PLCXD3: variants seen among roughly 807,000 people sequenced by gnomAD.
PLCXD3 encodes PI-PLC X domain-containing protein 3.
In PLCXD3, 19 loss-of-function variants were observed where a neutral mutation model predicts 25.5. The ratio of observed to expected loss-of-function variants is 0.75; its 90% CI spans 0.52 to 1.09. The LOEUF (loss-of-function observed/expected upper bound fraction) is 1.09. PLCXD3 is among the 50% of genes least tolerant of loss of function. PLCXD3 has a pLI of 0.00. For missense variants in PLCXD3, 411 were observed against 388.1 expected (o/e 1.06, Z -0.50); for synonymous variants, 174 against 137.6 (o/e 1.26, Z -1.85).
chr5:41,500,586 G>A (rs7711043), intron 1 of PLCXD3, among the ~76,000 whole-genome samples: 1,723 of 150,822 alleles, frequency 0.011, 29 homozygotes, highest in African/African-American at 0.039. Context: ...ACACAAACAC[G>A]CAACTTAAAC....
chr5:41,438,237 T>G (rs1185210698), intron 1 of PLCXD3, among the ~76,000 whole-genome samples: 1 of 152,226 alleles, frequency 6.6e-6, no homozygotes, highest in African/African-American at 2.4e-5. Context: ...AGTATTGTGC[T>G]TCTTATTTTA....
At chr5:41,470,366 C>A (rs1748124710) in intron 1 of PLCXD3, among the ~76,000 whole-genome samples, 1 of 148,326 alleles carries the variant, frequency 6.7e-6, no homozygotes, top group Non-Finnish European at 1.5e-5. Context: ...ACAATCATTT[C>A]AGACAGAAAT....
At chr5:41,494,034 A>C (rs1437245346) in intron 1 of PLCXD3, among the ~76,000 whole-genome samples, 1 of 152,194 alleles carries the variant, frequency 6.6e-6, no homozygotes, top group Non-Finnish European at 1.5e-5. Flanking sequence ...TGCGTTGCTC[A>C]CGCTGGGAGC....
chr5:41,490,416 C>T (rs1393652368), intron 1 of PLCXD3, among the ~76,000 whole-genome samples: 9 of 152,046 alleles, frequency 5.9e-5, no homozygotes, highest in Admixed American at 5.9e-4. Flanking sequence ...TGTGTCTCTG[C>T]CAGGCTTTGG....
At chr5:41,489,668 A>G (rs1264267501) in intron 1 of PLCXD3, among the ~76,000 whole-genome samples, 11 of 151,864 alleles carry the variant, frequency 7.2e-5, no homozygotes, top group African/African-American at 2.2e-4. Context: ...TTGGATTCCT[A>G]GGTATTTTAT....
At chr5:41,472,474 G>A (rs1029895753) in intron 1 of PLCXD3, among the ~76,000 whole-genome samples, 1 of 152,170 alleles carries the variant, frequency 6.6e-6, no homozygotes, top group African/African-American at 2.4e-5. Context: ...AAGATAAACT[G>A]TGTTAAATTG....
intron 1 of PLCXD3, among the ~76,000 whole-genome samples, chr5:41,472,041 C>T (rs1243107381): frequency 6.8e-6 from 1 of 146,622 alleles, no homozygotes. Context: ...TTCTCTCCTA[C>T]TTTGACAACC....
At position 41,313,297 on chromosome 5, in the gene PLCXD3, A is replaced by G. The variant is rs910598904; in HGVS notation, c.*320T>C. 2 of 265,586 alleles carry G rather than the reference A, an allele frequency of 7.5e-6. No homozygotes were observed. The highest frequency in any genetic ancestry group is 2.3e-5 in the African/African-American group (1 of 43,436). 16.5% of individuals were successfully genotyped at this position (265,586 alleles called of 1,614,324 possible). On this transcript the variant is annotated 3_prime_UTR_variant, in exon 3 of 3. Coordinates refer to ENST00000377801, the MANE Select transcript of PLCXD3 (RefSeq NM_001005473.3). ...GACAGCGTAGGAGTCATAGGCTGGA[A>G]ATAGAGAACCTAATCAAGTAAACAC...
At chr5:41,381,287 A>G (rs1245847668) in intron 2 of PLCXD3, among the ~76,000 whole-genome samples, 1 of 152,140 alleles carries the variant, frequency 6.6e-6, no homozygotes, top group East Asian at 1.9e-4. Context: ...GTCAAAATAC[A>G]TGGTGTTATG....
intron 2 of PLCXD3, among the ~76,000 whole-genome samples, chr5:41,349,792 T>C (rs1049550227): frequency 1.3e-5 from 2 of 152,220 alleles, no homozygotes; most frequent in Non-Finnish European, 2.9e-5. Context: ...CTTTAAATTA[T>C]CCTGTAGTTA....
At chr5:41,452,967 C>A (rs1256524432) in intron 1 of PLCXD3, among the ~76,000 whole-genome samples, 4 of 151,752 alleles carry the variant, frequency 2.6e-5, no homozygotes, top group Non-Finnish European at 5.9e-5. Flanking sequence ...AGATAAATAA[C>A]CTAATTAACA....
intron 1 of PLCXD3, among the ~76,000 whole-genome samples, chr5:41,489,743 A>C (rs373607913): frequency 6.6e-6 from 1 of 151,822 alleles, no homozygotes; most frequent in East Asian, 1.9e-4. Context: ...TTTGTCTGTT[A>C]TTGGTGTATA....
chr5:41,366,863 T>C (rs1242786912), intron 2 of PLCXD3, among the ~76,000 whole-genome samples: 1 of 152,188 alleles, frequency 6.6e-6, no homozygotes, highest in Admixed American at 6.5e-5. Flanking sequence ...ATTTTTCCTC[T>C]CCCACTTATA....
In PLCXD3 at chr5:41,311,226, A is replaced by G. The variant is rs1264216978; in HGVS notation, c.*2391T>C. On this transcript the variant is annotated 3_prime_UTR_variant, in exon 3 of 3. Coordinates refer to ENST00000377801, the MANE Select transcript of PLCXD3 (RefSeq NM_001005473.3). The stretch of plus-strand genomic sequence containing the variant: ...ACCAAATTTACGGGACATACATTTC[A>G]ATAATCCTAATCATTTTAAAAGGAT... The G allele has an allele frequency of 6.6e-6, 1 of 152,188 alleles. No individual in the cohort carries two copies. The highest frequency in any genetic ancestry group is 2.1e-4 in the South Asian group (1 of 4,838). The allele number at this position is 152,188 out of a possible 1,614,324, so 9.4% of individuals were successfully genotyped here.
At chr5:41,393,943 A>AT (rs565800532) in intron 1 of PLCXD3, among the ~76,000 whole-genome samples, 53 of 152,200 alleles carry the variant, frequency 3.5e-4, no homozygotes, top group African/African-American at 1.2e-3. Context: ...AAGAAAAAAA[A>AT]CAAAAACACC....
chr5:41,410,305 A>C (rs1746481268), intron 1 of PLCXD3, among the ~76,000 whole-genome samples: 1 of 150,836 alleles, frequency 6.6e-6, no homozygotes, highest in Non-Finnish European at 1.5e-5. Flanking sequence ...ACGCCTGGCT[A>C]ATTTTTTTTT....
intron 1 of PLCXD3, among the ~76,000 whole-genome samples, chr5:41,392,788 T>C (rs1745874231): frequency 6.6e-6 from 1 of 152,112 alleles, no homozygotes; most frequent in South Asian, 2.1e-4. Flanking sequence ...AATAGCTGTG[T>C]TGAGGAAACT....
intron 1 of PLCXD3, among the ~76,000 whole-genome samples, chr5:41,480,132 C>A (rs929304499): frequency 6.6e-6 from 1 of 152,114 alleles, no homozygotes; most frequent in Non-Finnish European, 1.5e-5. Flanking sequence ...GAAAACCTTC[C>A]TTTCAATAGG....
At chr5:41,488,337 AT>A (rs1561287764) in intron 1 of PLCXD3, among the ~76,000 whole-genome samples, 1 of 131,872 alleles carries the variant, frequency 7.6e-6, no homozygotes, top group African/African-American at 3.1e-5. Flanking sequence ...ATTGTTGGAC[AT>A]TTGGGTTGGT....
Sources: allele counts gnomAD v4.1 joint callset (sites outside exome capture counted in the v4.1 genomes callset), GRCh38; gene constraint gnomAD v4.1.1; transcripts MANE v1.5; gene names NCBI Gene and HGNC (gene_info 2026-07-23, HGNC 2026-07-21).